The following TTLL9 variants were observed in gnomAD, a reference collection of about 807,000 sequenced individuals.
The protein encoded by TTLL9 is tubulin tyrosine ligase like 9.
Under a neutral mutation model 65.6 loss-of-function variants are expected in TTLL9, and 47 were observed. That is an observed-to-expected ratio of 0.72 (90% CI 0.57 to 0.91). The LOEUF (loss-of-function observed/expected upper bound fraction) is 0.91, where lower values mean the gene tolerates loss of function less well. Among genes scored for constraint, TTLL9 ranks in the 40% least tolerant of loss-of-function variants. TTLL9 has a pLI of 0.00. For missense variants in TTLL9, 537 were observed against 568.8 expected (o/e 0.94, Z 0.57); for synonymous variants, 179 against 204.8 (o/e 0.87, Z 1.07).
At chr20:31,873,864 G>GAAAGAAAGAAAGAA (rs1437657284) in intron 2 of TTLL9, among the ~76,000 whole-genome samples, 2 of 146,304 alleles carry the variant, frequency 1.4e-5, no homozygotes, top group African/African-American at 5.1e-5. Context: ...AAGAAAGAAA[G>GAAAGAAAGAAAGAA]AAAGAAAGAA....
intron 3 of TTLL9, among the ~76,000 whole-genome samples, chr20:31,888,918 A>G (rs1415435301): frequency 3.3e-5 from 5 of 152,096 alleles, no homozygotes; most frequent in Non-Finnish European, 7.4e-5. Context: ...ATCCATTTTC[A>G]GGATCCAACC....
chr20:31,902,611 C>T lies in TTLL9; in HGVS notation c.206+4046C>T, dbSNP rs2063494711. On this transcript the variant is annotated intron_variant, in intron 4 of 14. Transcript: ENST00000535842. ...TAATTGATAGGTGTTTAGGTTATTTCCACCTTTGGGCTGTTATACATGATG... is the reference window on the plus strand; with the variant it reads ...TAATTGATAGGTGTTTAGGTTATTTTCACCTTTGGGCTGTTATACATGATG... Among the ~76,000 whole-genome samples, 3 of 152,076 alleles carry T rather than the reference C, an allele frequency of 2.0e-5. No individual in the cohort carries two copies. In the South Asian group the frequency reaches 6.2e-4, roughly 32 times the overall value.
intron 4 of TTLL9, among the ~76,000 whole-genome samples, chr20:31,907,741 C>A (rs996269966): frequency 1.3e-5 from 2 of 151,356 alleles, no homozygotes; most frequent in South Asian, 2.1e-4. Context: ...AAAAAAAAAA[C>A]CACTGCATAG....
chr20:31,938,435 C>T (rs2064153485), intron 13 of TTLL9, among the ~76,000 whole-genome samples: 1 of 152,134 alleles, frequency 6.6e-6, no homozygotes. Flanking sequence ...CTATTCCTAC[C>T]ATCACCTATT....
intron 4 of TTLL9, among the ~76,000 whole-genome samples, chr20:31,900,558 C>T (rs1263747218): frequency 6.6e-6 from 1 of 152,170 alleles, no homozygotes; most frequent in African/African-American, 2.4e-5. Flanking sequence ...GCAGGTAACT[C>T]AAGACACCAG....
intron 5 of TTLL9, 25 bp from the exon 6 acceptor site, chr20:31,909,712 G>GC (rs1199565154): frequency 1.9e-6 from 3 of 1,608,040 alleles, no homozygotes; most frequent in Non-Finnish European, 2.5e-6. Flanking sequence ...GGAGCTAATG[G>GC]CCGCCTGTCC....
At chr20:31,891,513 T>C (rs1224611535) in intron 3 of TTLL9, among the ~76,000 whole-genome samples, 1 of 151,328 alleles carries the variant, frequency 6.6e-6, no homozygotes, top group Non-Finnish European at 1.5e-5. Flanking sequence ...TTTTTTTTCA[T>C]ATTATTTGTA....
At position 31,907,972 on chromosome 20, in the gene TTLL9, C is replaced by T. The variant is rs531314779; in HGVS notation, c.207-619C>T. ...GGCACCCAGATTTGGTAGATTGGCC[C>T]GGTTTCCTCTCCCTGGCATGGTGGT... On this transcript the variant is annotated intron_variant, in intron 4 of 14. Transcript: ENST00000535842. Among the ~76,000 whole-genome samples, 8 of 152,234 alleles carry T rather than the reference C, an allele frequency of 5.3e-5. No individual in the cohort carries two copies. In the South Asian group the frequency reaches 6.2e-4, roughly 12 times the overall value.
chr20:31,894,675 T>C (rs1331200045), intron 3 of TTLL9, among the ~76,000 whole-genome samples: 1 of 151,900 alleles, frequency 6.6e-6, no homozygotes, highest in Non-Finnish European at 1.5e-5. Flanking sequence ...TACATATACA[T>C]ATATACACAT....
intron 10 of TTLL9, among the ~76,000 whole-genome samples, chr20:31,929,810 A>G (rs1368424965): frequency 3.0e-4 from 45 of 152,268 alleles, no homozygotes; most frequent in Non-Finnish European, 4.4e-5. Context: ...ATCTGGCCAG[A>G]TTGCTTCCCA....
rs552263340 is a variant in TTLL9 at position 31,916,911 on chromosome 20, A to C, written c.505-2953A>C. ...AAAACTGGTCATGTGGTTTCCACCA[A>C]CTGCAAGGGAAGCTGGGAAAACCTA... On this transcript the variant is annotated intron_variant, in intron 6 of 14. Coordinates refer to ENST00000535842, the MANE Select transcript of TTLL9 (RefSeq NM_001008409.5). 1.1e-4 allele frequency among the ~76,000 whole-genome samples: 17 copies of C among 152,274 alleles called. No individual in the cohort carries two copies. The Middle Eastern group carries it at 0.01, about 91-fold the overall frequency.
rs747448923 is a variant in TTLL9, at chr20:31,919,949, C to G, written c.573+17C>G. On this transcript the variant is annotated intron_variant, in intron 7 of 14. Transcript: ENST00000535842. ...TGGAGGAAGGTGAGCCTGCCTCTTC[C>G]CCCTTCCTCCCTGAACCCTCCTCTG... The G allele has an allele frequency of 1.8e-5, 29 of 1,571,332 alleles. No individual in the cohort carries two copies. The highest frequency in any genetic ancestry group is 2.3e-5 in the Non-Finnish European group (27 of 1,160,046).
intron 3 of TTLL9, among the ~76,000 whole-genome samples, chr20:31,890,146 C>CTTTCTTTCTTTCTTTCT (rs1568753458): frequency 6.9e-4 from 13 of 18,946 alleles, no homozygotes; most frequent in East Asian, 1.8e-3. Flanking sequence ...TCCTTCCTTC[C>CTTTCTTTCTTTCTTTCT]TTCCTTCCTT....
Position 31,908,584 on chromosome 20 carries a change from C to T in TTLL9, c.207-7C>T, listed in dbSNP as rs1263078332. The T allele has an allele frequency of 1.2e-6, 2 of 1,607,500 alleles. No individual in the cohort carries two copies. The highest frequency in any genetic ancestry group is 1.7e-6 in the Non-Finnish European group (2 of 1,174,116). On this transcript the variant is annotated splice_region_variant and splice_polypyrimidine_tract_variant and intron_variant, in intron 4 of 14. Coordinates refer to ENST00000535842, the MANE Select transcript of TTLL9 (RefSeq NM_001008409.5). ...GACCTTTATCCCCGCCCCCACCCCACCCCCAGCGAAGGGGAGTGGGATTTC... is the reference window on the plus strand; with the variant it reads ...GACCTTTATCCCCGCCCCCACCCCATCCCCAGCGAAGGGGAGTGGGATTTC...
intron 2 of TTLL9, among the ~76,000 whole-genome samples, chr20:31,886,636 A>G (rs566385895): frequency 4.6e-5 from 7 of 152,298 alleles, no homozygotes; most frequent in African/African-American, 1.7e-4. Context: ...CCTGGCCAAC[A>G]TGGCGAAACC....
At chr20:31,909,952 G>A in intron 6 of TTLL9, 30 bp downstream of exon 6, 4 of 1,327,190 alleles carry the variant, frequency 3.0e-6, no homozygotes, top group Non-Finnish European at 3.2e-6. Context: ...GGCTGGGTGG[G>A]AGGGAATGAG....
intron 4 of TTLL9, among the ~76,000 whole-genome samples, chr20:31,899,712 A>G (rs2063445130): frequency 6.6e-6 from 1 of 151,808 alleles, no homozygotes; most frequent in African/African-American, 2.4e-5. Context: ...CTCACAGCTT[A>G]CTGGCCAGAC....
chr20:31,930,391 C>T (rs559210689), intron 10 of TTLL9, among the ~76,000 whole-genome samples: 1 of 152,236 alleles, frequency 6.6e-6, no homozygotes, highest in Non-Finnish European at 1.5e-5. Flanking sequence ...GCATTTCTTC[C>T]AATTTTCATT....
intron 6 of TTLL9, among the ~76,000 whole-genome samples, chr20:31,917,292 T>C (rs954793746): frequency 2.0e-5 from 3 of 152,212 alleles, no homozygotes; most frequent in African/African-American, 7.2e-5. Flanking sequence ...TTTTGGACTT[T>C]ATATAATTGG....
Sources: allele counts gnomAD v4.1 joint callset (sites outside exome capture counted in the v4.1 genomes callset), GRCh38; gene constraint gnomAD v4.1.1; transcripts MANE v1.5; gene names NCBI Gene and HGNC (gene_info 2026-07-23, HGNC 2026-07-21).